Variants in SLC9A4 observed in about 807,000 individuals in gnomAD.
SLC9A4 encodes solute carrier family 9 member A4, also known as sodium/hydrogen exchanger 4.
A neutral mutation model predicts 67.4 loss-of-function variants in SLC9A4; 63 were observed. The observed-to-expected ratio is 0.93, with a 90% CI of 0.76 to 1.15. The LOEUF is 1.15. SLC9A4 is among the 50% of genes most tolerant of loss of function. The probability of loss-of-function intolerance (pLI) is 0.00; values close to 1 mark genes in which losing one functional copy is unlikely to be tolerated. For synonymous variants in SLC9A4, 393 were observed against 367.2 expected (o/e 1.07, Z -0.80); for missense variants, 1,089 against 987.7 (o/e 1.10, Z -1.38).
At chr2:102,498,010 A>G (rs569660439) in intron 2 of SLC9A4, among the ~76,000 whole-genome samples, 1 of 152,326 alleles carries the variant, frequency 6.6e-6, no homozygotes, top group South Asian at 2.1e-4. Context: ...AAGGCTTGGA[A>G]AATCTGTTAA....
intron 2 of SLC9A4, among the ~76,000 whole-genome samples, chr2:102,482,561 T>C (rs796820422): frequency 3.9e-5 from 6 of 152,112 alleles, no homozygotes; most frequent in African/African-American, 1.4e-4. Flanking sequence ...ATCCATTCCA[T>C]CTCTTAAGGT....
intron 1 of SLC9A4, 74 bp downstream of exon 1, chr2:102,474,089 T>A: frequency 2.0e-6 from 3 of 1,518,724 alleles, no homozygotes; most frequent in Non-Finnish European, 2.7e-6. Flanking sequence ...GCCTTATAGA[T>A]AACGGGCTAA....
At chr2:102,474,536 G>A (rs1404973091) in intron 1 of SLC9A4, among the ~76,000 whole-genome samples, 2 of 152,140 alleles carry the variant, frequency 1.3e-5, no homozygotes, top group Non-Finnish European at 2.9e-5. Context: ...CTCAGTGATG[G>A]GATGTCGGGG....
At chr2:102,526,392 G>A (rs750957229) in intron 11 of SLC9A4, 46 bp downstream of exon 11, 23 of 1,581,612 alleles carry the variant, frequency 1.5e-5, no homozygotes, top group Non-Finnish European at 2.0e-5. Flanking sequence ...GTAGAGTCAG[G>A]TGGTAAATAT....
At chr2:102,516,412 T>C (rs1029490447) in intron 8 of SLC9A4, among the ~76,000 whole-genome samples, 2 of 152,206 alleles carry the variant, frequency 1.3e-5, no homozygotes, top group Non-Finnish European at 2.9e-5. Flanking sequence ...ATTCCTCTCC[T>C]GAGATCAAAG....
At chr2:102,491,798 C>T (rs1684708143) in intron 2 of SLC9A4, among the ~76,000 whole-genome samples, 1 of 152,204 alleles carries the variant, frequency 6.6e-6, no homozygotes, top group African/African-American at 2.4e-5. Context: ...AGCATTAACT[C>T]AGAAGTCCAC....
At chr2:102,509,927 A>G (rs946566137) in intron 6 of SLC9A4, among the ~76,000 whole-genome samples, 5 of 152,204 alleles carry the variant, frequency 3.3e-5, no homozygotes, top group African/African-American at 1.2e-4. Context: ...TTTGGTTCCA[A>G]GGGCTGGGAA....
At chr2:102,493,795 T>C (rs975052911) in intron 2 of SLC9A4, among the ~76,000 whole-genome samples, 4 of 151,922 alleles carry the variant, frequency 2.6e-5, no homozygotes, top group Non-Finnish European at 2.9e-5. Flanking sequence ...TCTATCTCAT[T>C]GTATTTATCT....
intron 1 of SLC9A4, among the ~76,000 whole-genome samples, chr2:102,475,807 G>T (rs1684318279): frequency 6.6e-6 from 1 of 152,158 alleles, no homozygotes; most frequent in Non-Finnish European, 1.5e-5. Context: ...TGGGCTGGTA[G>T]TTTTATGTAT....
In SLC9A4 at chr2:102,515,890, C is replaced by T. The variant is rs141673758; in HGVS notation, c.1721+1639C>T. Reference sequence around the variant, plus strand: ...CATGACGTTAACAAAAAAGGCCACACAAACATAATCATAAAGAATAGAGAG... The same window carrying T: ...CATGACGTTAACAAAAAAGGCCACATAAACATAATCATAAAGAATAGAGAG... On this transcript the variant is annotated intron_variant, in intron 8 of 11. Transcript: ENST00000295269. 7.8e-4 allele frequency among the ~76,000 whole-genome samples: 118 copies of T among 152,220 alleles called. No homozygotes were observed. In the Middle Eastern group the frequency reaches 0.024, roughly 31 times the overall value.
chr2:102,517,158 A>AT (rs891345926), intron 8 of SLC9A4, among the ~76,000 whole-genome samples: 2 of 152,182 alleles, frequency 1.3e-5, no homozygotes, highest in Non-Finnish European at 2.9e-5. Context: ...CTCATCACTC[A>AT]TTCCAAATGT....
chr2:102,493,369 G>C (rs1271825795), intron 2 of SLC9A4, among the ~76,000 whole-genome samples: 9 of 152,002 alleles, frequency 5.9e-5, no homozygotes, highest in Admixed American at 5.2e-4. Context: ...AAGGGAAAGA[G>C]GTTTAATTGA....
Position 102,503,440 on chromosome 2 carries a change from T to G in SLC9A4, c.721-8T>G. ...AATTCATATTTGTTTACTCTCTTTTTTGCCTAGGTCTTATACAATATGTTA... is the reference window on the plus strand; with the variant it reads ...AATTCATATTTGTTTACTCTCTTTTGTGCCTAGGTCTTATACAATATGTTA... On this transcript the variant is annotated splice_polypyrimidine_tract_variant and splice_region_variant and intron_variant, in intron 2 of 11. Coordinates refer to ENST00000295269, the MANE Select transcript of SLC9A4 (RefSeq NM_001011552.4). The G allele has an allele frequency of 6.4e-7, 1 of 1,571,998 alleles. No individual in the cohort carries two copies. Among genetic ancestry groups the G allele is most frequent in the East Asian group, 2.3e-5 (1 of 44,242 alleles).
chr2:102,478,609 AG>A (rs1222227552), intron 1 of SLC9A4, among the ~76,000 whole-genome samples: 3 of 151,810 alleles, frequency 2.0e-5, no homozygotes, highest in Admixed American at 6.6e-5. Context: ...AGGATGGGGG[AG>A]GGGGCAGCTG....
intron 8 of SLC9A4, among the ~76,000 whole-genome samples, chr2:102,515,574 G>T (rs919077787): frequency 2.6e-5 from 4 of 151,548 alleles, no homozygotes; most frequent in Non-Finnish European, 4.4e-5. Context: ...GATATATACT[G>T]GCAGTGCTCT....
rs148520935 is a variant in SLC9A4 at position 102,496,245 on chromosome 2, A to G, written c.721-7203A>G. The stretch of plus-strand genomic sequence containing the variant: ...ACAGATACACCATAAAAGATGATAT[A>G]CTCATGGTCAGTAAGCACATGAAAA... On this transcript the variant is annotated intron_variant, in intron 2 of 11. Coordinates refer to ENST00000295269, the MANE Select transcript of SLC9A4 (RefSeq NM_001011552.4). Among the ~76,000 whole-genome samples the G allele has an allele frequency of 9.9e-4, 150 of 151,894 alleles. 1 individual carries two copies. The highest frequency in any genetic ancestry group is 6.8e-3 in the Middle Eastern group (2 of 294).
chr2:102,478,164 G>C (rs1684372352), intron 1 of SLC9A4, among the ~76,000 whole-genome samples: 1 of 152,192 alleles, frequency 6.6e-6, no homozygotes, highest in Non-Finnish European at 1.5e-5. Flanking sequence ...TGGAGGTCAA[G>C]AAGACAATGC....
chr2:102,515,746 C>G (rs775898821), intron 8 of SLC9A4, among the ~76,000 whole-genome samples: 25 of 151,900 alleles, frequency 1.6e-4, no homozygotes, highest in Non-Finnish European at 3.1e-4. Context: ...GAGTTTTTTG[C>G]AACCCCCTTG....
At chr2:102,518,092 G>A (rs1685313716) in intron 8 of SLC9A4, among the ~76,000 whole-genome samples, 1 of 152,178 alleles carries the variant, frequency 6.6e-6, no homozygotes, top group South Asian at 2.1e-4. Flanking sequence ...TTCCATAGCT[G>A]CGGCTTCTCA....
Sources: allele counts gnomAD v4.1 joint callset (sites outside exome capture counted in the v4.1 genomes callset), GRCh38; gene constraint gnomAD v4.1.1; transcripts MANE v1.5; gene names NCBI Gene and HGNC (gene_info 2026-07-23, HGNC 2026-07-21).